The following KNG1 variants were observed in gnomAD, a reference collection of about 807,000 sequenced individuals.
KNG1 encodes kininogen 1.
Under a neutral mutation model 47.8 loss-of-function variants are expected in KNG1, and 23 were observed. That is an observed-to-expected ratio of 0.48 (90% confidence interval 0.35 to 0.68). The LOEUF (loss-of-function observed/expected upper bound fraction) is 0.68, where lower values mean the gene tolerates loss of function less well. Among genes scored for constraint, KNG1 ranks in the 30% least tolerant of loss-of-function variants. KNG1 has a pLI of 0.01. For missense variants in KNG1, 762 were observed against 790.2 expected, an observed-to-expected ratio of 0.96 and a Z score of 0.43; for synonymous variants, 277 against 277.0, an observed-to-expected ratio of 1.00 and a Z score of 0.00.
At chr3:186,722,299 T>C in intron 2 of KNG1, 138 bp from the exon 3 acceptor site, 1 of 695,092 alleles carries the variant, frequency 1.4e-6, no homozygotes, top group African/African-American at 1.8e-5. Flanking sequence ...TATTCTCATG[T>C]CTCAAAACTC....
intron 1 of KNG1, 78 bp from the exon 2 acceptor site, chr3:186,720,027 A>C: frequency 1.2e-6 from 1 of 869,280 alleles, no homozygotes; most frequent in South Asian, 1.3e-5. Context: ...CAATATTCCT[A>C]ACTTTACCGG....
intron 6 of KNG1, among the ~76,000 whole-genome samples, 173 bp downstream of exon 6, chr3:186,731,802 T>G (rs1172307127): frequency 6.6e-6 from 1 of 152,186 alleles, no homozygotes; most frequent in Non-Finnish European, 1.5e-5. Context: ...CGCTGCCCAG[T>G]TGTGCTGCAG....
At position 186,739,321 on chromosome 3, in the gene KNG1, T is replaced by C. The variant is rs755036728; in HGVS notation, c.1039-7T>C. On this transcript the variant is annotated splice_polypyrimidine_tract_variant and splice_region_variant and intron_variant, in intron 8 of 9. Transcript: ENST00000644859. The stretch of plus-strand genomic sequence containing the variant: ...GTCTCTCTTTCGACTTCTGTTTTCA[T>C]GGATAGCAAAGCCTAGATTGCAACG... 1.9e-6 allele frequency: 3 copies of C among 1,612,690 alleles called. No individual in the cohort carries two copies. The highest frequency in any genetic ancestry group is 2.2e-5 in the East Asian group (1 of 44,886).
Position 186,743,657 on chromosome 3 carries a change from ATGAT to A in KNG1, c.*1330_*1333del. The A allele has an allele frequency of 7.0e-7, 1 of 1,429,146 alleles. No homozygotes were observed. Among genetic ancestry groups the A allele is most frequent in the South Asian group, 1.2e-5 (1 of 86,664 alleles). 88.5% of individuals were successfully genotyped at this position (1,429,146 alleles called of 1,614,324 possible). ...CAACTGGTTGCTCCACTTTTTAAAA[ATGAT>A]TGAATGATAACATCATATTAACTGC... On this transcript the variant is annotated 3_prime_UTR_variant, in exon 10 of 10. Coordinates refer to ENST00000644859, the MANE Select transcript of KNG1 (RefSeq NM_001102416.3).
At chr3:186,731,998 T>C (rs1197842191) in intron 6 of KNG1, among the ~76,000 whole-genome samples, 2 of 152,198 alleles carry the variant, frequency 1.3e-5, no homozygotes, top group South Asian at 2.1e-4. Context: ...ACCCTTTCAA[T>C]TAAGGTGGTT....
At chr3:186,738,486 G>C (rs986350944) in intron 7 of KNG1, 4 of 152,126 alleles carry the variant, frequency 2.6e-5, no homozygotes. Flanking sequence ...ATTACAACTT[G>C]AGCCCTTGAA....
At position 186,725,098 on chromosome 3, in the gene KNG1, T is replaced by C. The variant is rs1560063067; in HGVS notation, c.402T>C (p.Pro134=). ...CTGCTCTTTGTTAAGCCGAGGGCCC[T>C]GTGGTGACAGCCCAGTACGACTGCC... ...QTCQITPAEG[P]VVTAQYDCLG... is the part of the protein sequence containing the mutation. The change falls in exon 4 of 10, where the codon CCT becomes CCC. Residue 134 remains proline (P), a synonymous_variant. Transcript: ENST00000644859. The C allele has an allele frequency of 6.2e-7, 1 of 1,614,088 alleles. No individual in the cohort carries two copies. Among genetic ancestry groups the C allele is most frequent in the Admixed American group, 1.7e-5 (1 of 60,004 alleles).
At chr3:186,732,363 C>T in intron 6 of KNG1, 139 bp from the exon 7 acceptor site, 1 of 747,876 alleles carries the variant, frequency 1.3e-6, no homozygotes, top group Non-Finnish European at 2.4e-6. Flanking sequence ...GTCAGACAGA[C>T]AACCTTCCCC....
chr3:186,719,389 T>A, intron 1 of KNG1, among the ~76,000 whole-genome samples: 1 of 152,218 alleles, frequency 6.6e-6, no homozygotes, highest in East Asian at 1.9e-4. Context: ...TTTTCTTGTT[T>A]GCTTTTTCTA....
At chr3:186,735,062 A>G (rs558776513) in intron 7 of KNG1, among the ~76,000 whole-genome samples, 1 of 152,356 alleles carries the variant, frequency 6.6e-6, no homozygotes, top group African/African-American at 2.4e-5. Flanking sequence ...TCATTGCCAT[A>G]TGACCACGTT....
At chr3:186,730,664 A>G (rs2108628240) in intron 5 of KNG1, among the ~76,000 whole-genome samples, 1 of 73,674 alleles carries the variant, frequency 1.4e-5, no homozygotes, top group East Asian at 3.9e-4. Context: ...ACAAAAAAAA[A>G]AAAAAAAAAA....
At chr3:186,729,422 CCAAGTGTCTAT>C (rs1720452698) in intron 5 of KNG1, among the ~76,000 whole-genome samples, 1 of 152,134 alleles carries the variant, frequency 6.6e-6, no homozygotes, top group Non-Finnish European at 1.5e-5. Flanking sequence ...TCAAAACAAC[CCAAGTGTCTAT>C]CAATAGGTGA....
Position 186,741,680 on chromosome 3 carries a change from A to G in KNG1, c.1284A>G (p.Arg428=), listed in dbSNP as rs755256751. 7 of 1,614,258 alleles carry G rather than the reference A, an allele frequency of 4.3e-6. No homozygotes were observed. In the South Asian group the frequency reaches 5.5e-5, roughly 13 times the overall value. Residue 428 remains arginine (R), a synonymous_variant, in exon 10 of 10, where the codon AGA becomes AGG. Coordinates refer to ENST00000644859, the MANE Select transcript of KNG1 (RefSeq NM_001102416.3). ...GAAAAGAACAAGGGCATACTCGTAG[A>G]CATGACTGGGGCCATGAAAAACAAA... is the stretch of plus-strand genomic sequence containing the variant. The part of the protein sequence containing the change: ...DSGKEQGHTR[R]HDWGHEKQRK...
At position 186,743,446 on chromosome 3, in the gene KNG1, A is replaced by G; in HGVS notation, c.*1115A>G. On this transcript the variant is annotated 3_prime_UTR_variant, in exon 10 of 10. Coordinates refer to ENST00000644859, the MANE Select transcript of KNG1 (RefSeq NM_001102416.3). ...AAAGAAGGTATATGCTTTATAACCA[A>G]TGTTGTACTTTTGCCTAGAAAAACA... 1 of 487,354 alleles carries G rather than the reference A, an allele frequency of 2.1e-6. No individual in the cohort carries two copies. The highest frequency in any genetic ancestry group is 3.3e-5 in the Admixed American group (1 of 30,580). 30.2% of individuals were successfully genotyped at this position (487,354 alleles called of 1,614,324 possible).
At chr3:186,725,828 C>G (rs266725) in intron 4 of KNG1, among the ~76,000 whole-genome samples, 80,640 of 150,334 alleles carry the variant, frequency 0.54, 21,808 homozygotes, top group Middle Eastern at 0.62. Flanking sequence ...GCCATCATGA[C>G]TTAAACACAG....
intron 7 of KNG1, chr3:186,736,467 G>GAA (rs2108633738): frequency 6.6e-6 from 1 of 152,240 alleles, no homozygotes; most frequent in African/African-American, 2.4e-5. Flanking sequence ...TTTCAGATAT[G>GAA]AAACACTTCC....
intron 1 of KNG1, among the ~76,000 whole-genome samples, chr3:186,719,520 C>G (rs995989106): frequency 6.6e-6 from 1 of 152,082 alleles, no homozygotes; most frequent in Admixed American, 6.6e-5. Context: ...GCGGGGGGAT[C>G]ACGAAGTCAG....
In KNG1 at chr3:186,720,775, GTTGTT is replaced by G. The variant is rs1424850774; in HGVS notation, c.306+564_306+568del. On this transcript the variant is annotated intron_variant, in intron 2 of 9. Coordinates refer to ENST00000644859, the MANE Select transcript of KNG1 (RefSeq NM_001102416.3). ...TAGGCCTGGCACACCATAGCTGGTT[GTTGTT>G]TTGCTTTTTTTTTTTTTTTTTTTTT... Among the ~76,000 whole-genome samples the G allele has an allele frequency of 4.5e-4, 22 of 49,154 alleles. No homozygotes were observed. The East Asian group carries it at 6.3e-3, about 14-fold the overall frequency. The allele number at this position is 49,154 out of a possible 152,430, so 32.2% of individuals were successfully genotyped here. A position where few individuals can be genotyped will look rare whatever the true frequency, so the allele number is the denominator to read the frequency against.
chr3:186,722,763 G>C (rs939597741), intron 3 of KNG1, among the ~76,000 whole-genome samples: 4 of 152,180 alleles, frequency 2.6e-5, no homozygotes, highest in Non-Finnish European at 5.9e-5. Context: ...TGTGTGCAAG[G>C]GCTCAACAGA....
Sources: allele counts gnomAD v4.1 joint callset (sites outside exome capture counted in the v4.1 genomes callset), GRCh38; gene constraint gnomAD v4.1.1; transcripts MANE v1.5; gene names NCBI Gene and HGNC (gene_info 2026-07-23, HGNC 2026-07-21).